Variants in PLEKHM3 observed in about 807,000 individuals in gnomAD.
The protein encoded by PLEKHM3 is pleckstrin homology domain containing M3.
Under a neutral mutation model 81.8 loss-of-function variants are expected in PLEKHM3, and 45 were observed. The ratio of observed to expected loss-of-function variants is 0.55; its 90% confidence interval spans 0.43 to 0.71. PLEKHM3 has a LOEUF of 0.71. PLEKHM3 is among the 30% of genes least tolerant of loss of function. The probability of loss-of-function intolerance (pLI) is 0.00; values close to 1 mark genes in which losing one functional copy is unlikely to be tolerated. For missense variants in PLEKHM3, 788 were observed against 924.3 expected, an observed-to-expected ratio of 0.85 and a Z score of 1.91; for synonymous variants, 352 against 356.4, an observed-to-expected ratio of 0.99 and a Z score of 0.14.
intron 3 of PLEKHM3, among the ~76,000 whole-genome samples, chr2:207,962,572 GCCAGT>G (rs1357387534): frequency 6.6e-6 from 1 of 152,134 alleles, no homozygotes; most frequent in African/African-American, 2.4e-5. Flanking sequence ...CAAATTTGTA[GCCAGT>G]CAGTCACTGT....
chr2:207,946,680 C>T (rs1690142234), intron 3 of PLEKHM3, among the ~76,000 whole-genome samples, 168 bp from the exon 4 acceptor site: 1 of 152,216 alleles, frequency 6.6e-6, no homozygotes, highest in South Asian at 2.1e-4. Context: ...CCTCTTCTTC[C>T]TAGTCTGACA....
At chr2:207,981,902 T>C (rs747557687) in intron 2 of PLEKHM3, among the ~76,000 whole-genome samples, 15 of 152,212 alleles carry the variant, frequency 9.9e-5, no homozygotes, top group Non-Finnish European at 1.6e-4. Context: ...ATGAATATCA[T>C]CACAGATGAA....
chr2:207,910,214 C>G lies in PLEKHM3; in HGVS notation c.1887-1637G>C, dbSNP rs189611883. Among the ~76,000 whole-genome samples, 187 of 152,288 alleles carry G rather than the reference C, an allele frequency of 1.2e-3. 2 individuals are homozygous for G. The highest frequency in any genetic ancestry group is 0.011 in the Admixed American group (163 of 15,300). ...CAGGAAGCAGAGCACAGGTCCAGCA[C>G]AGCTGGGCAGGGCATAGGAAAAGTA... On this transcript the variant is annotated intron_variant, in intron 5 of 7. Coordinates refer to ENST00000427836, the MANE Select transcript of PLEKHM3 (RefSeq NM_001080475.3).
intron 5 of PLEKHM3, among the ~76,000 whole-genome samples, chr2:207,925,064 G>A (rs1478963097): frequency 6.6e-6 from 1 of 152,142 alleles, no homozygotes; most frequent in African/African-American, 2.4e-5. Context: ...AAGTGAGTGG[G>A]CAAAAGGGAA....
chr2:207,892,303 T>C (rs1355468812), intron 6 of PLEKHM3, among the ~76,000 whole-genome samples: 1 of 152,216 alleles, frequency 6.6e-6, no homozygotes, highest in Non-Finnish European at 1.5e-5. Flanking sequence ...ATTCTTTTTC[T>C]TATTGTGGTA....
intron 5 of PLEKHM3, among the ~76,000 whole-genome samples, chr2:207,920,142 A>G (rs1448335723): frequency 6.6e-6 from 1 of 152,202 alleles, no homozygotes; most frequent in Non-Finnish European, 1.5e-5. Context: ...GATGGCTTAG[A>G]AGGTAGAAGA....
chr2:207,922,248 T>C (rs1689207696), intron 5 of PLEKHM3, among the ~76,000 whole-genome samples: 1 of 152,222 alleles, frequency 6.6e-6, no homozygotes, highest in African/African-American at 2.4e-5. Flanking sequence ...ATGCTTTCTC[T>C]TCTTTCTAAA....
At chr2:207,957,290 C>T (rs1411054069) in intron 3 of PLEKHM3, among the ~76,000 whole-genome samples, 1 of 152,170 alleles carries the variant, frequency 6.6e-6, no homozygotes, top group Non-Finnish European at 1.5e-5. Flanking sequence ...CTGTTAGTTG[C>T]TACTGAAAGC....
At chr2:207,858,899 T>C (rs1212897128) in intron 7 of PLEKHM3, among the ~76,000 whole-genome samples, 1 of 152,104 alleles carries the variant, frequency 6.6e-6, no homozygotes, top group African/African-American at 2.4e-5. Context: ...CACAATCTAA[T>C]TCCAGAACAT....
In PLEKHM3 at chr2:207,949,552, T is replaced by A. The variant is rs572624793; in HGVS notation, c.1547-3040A>T. On this transcript the variant is annotated intron_variant, in intron 3 of 7. Transcript: ENST00000427836. ...AAGGCTCTGTCTCAAAAGAAAAAAATTTTTTAAAAAGAAAGAAAGAATGAA... is the reference window on the plus strand; with the variant it reads ...AAGGCTCTGTCTCAAAAGAAAAAAAATTTTTAAAAAGAAAGAAAGAATGAA... 1.1e-3 allele frequency among the ~76,000 whole-genome samples: 173 copies of A among 152,024 alleles called. 1 individual carries two copies. The highest frequency in any genetic ancestry group is 1.8e-3 in the Non-Finnish European group (124 of 67,966).
chr2:207,953,615 C>G (rs192730976), intron 3 of PLEKHM3, among the ~76,000 whole-genome samples: 242 of 152,054 alleles, frequency 1.6e-3, no homozygotes, highest in Admixed American at 3.6e-3. Flanking sequence ...ATGGTGAAAC[C>G]TCTACTAAAA....
chr2:207,844,583 G>A (rs1047411684), intron 7 of PLEKHM3, among the ~76,000 whole-genome samples: 1 of 152,092 alleles, frequency 6.6e-6, no homozygotes, highest in Non-Finnish European at 1.5e-5. Context: ...TGGGATTACA[G>A]GCGTGAGCCA....
chr2:207,880,455 AG>A (rs2092582319), intron 6 of PLEKHM3, among the ~76,000 whole-genome samples: 2 of 150,810 alleles, frequency 1.3e-5, no homozygotes, highest in East Asian at 2.0e-4. Flanking sequence ...ACATACAAAA[AG>A]TTTAGCTTCA....
chr2:207,936,528 G>C (rs534612761), intron 4 of PLEKHM3, among the ~76,000 whole-genome samples: 4 of 152,258 alleles, frequency 2.6e-5, no homozygotes, highest in East Asian at 3.9e-4. Flanking sequence ...AAGAAGAAAA[G>C]ATAGCTAGAG....
chr2:207,828,726 G>A (rs540744907), intron 7 of PLEKHM3, among the ~76,000 whole-genome samples: 2 of 152,230 alleles, frequency 1.3e-5, no homozygotes, highest in South Asian at 2.1e-4. Flanking sequence ...TAGGGCTTAT[G>A]AGTGGGGGGG....
chr2:207,889,465 A>ACACC lies in PLEKHM3; in HGVS notation c.1950+19048_1950+19049insGGTG, dbSNP rs1553549507. ...CACACACACACACACACACACACAC[A>ACACC]CACACACACACACACACACGGCCCT... On this transcript the variant is annotated intron_variant, in intron 6 of 7. Transcript: ENST00000427836. Among the ~76,000 whole-genome samples, 576 of 117,368 alleles carry ACACC rather than the reference A, an allele frequency of 4.9e-3. 3 individuals are homozygous for ACACC. Among genetic ancestry groups the ACACC allele is most frequent in the African/African-American group, 0.016 (539 of 33,698 alleles). 77.0% of individuals were successfully genotyped at this position (117,368 alleles called of 152,430 possible). A position where few individuals can be genotyped will look rare whatever the true frequency, so the allele number is the denominator to read the frequency against.
At chr2:207,830,661 CT>C (rs1215622912) in intron 7 of PLEKHM3, among the ~76,000 whole-genome samples, 15 of 98,774 alleles carry the variant, frequency 1.5e-4, no homozygotes, top group African/African-American at 6.3e-4. Flanking sequence ...CTGATCCAAG[CT>C]CATAAGTGTC....
chr2:207,916,044 G>C (rs1021578812), intron 5 of PLEKHM3, among the ~76,000 whole-genome samples: 18 of 152,134 alleles, frequency 1.2e-4, no homozygotes, highest in Non-Finnish European at 2.6e-4. Flanking sequence ...CTGAGCTAAT[G>C]GAAAAACAAT....
intron 6 of PLEKHM3, among the ~76,000 whole-genome samples, chr2:207,870,752 GAC>G (rs2092529391): frequency 6.6e-6 from 1 of 152,154 alleles, no homozygotes; most frequent in African/African-American, 2.4e-5. Context: ...CACCTCACGA[GAC>G]TATTCTGAAT....
Sources: gnomAD v4.1 joint callset for allele counts (sites outside exome capture counted in the v4.1 genomes callset) on GRCh38, gnomAD v4.1.1 for gene constraint, MANE v1.5 for transcripts, NCBI Gene and HGNC (gene_info 2026-07-23, HGNC 2026-07-21) for gene names.